PROX1: variants seen among roughly 807,000 people sequenced by gnomAD.
PROX1 encodes prospero homeobox protein 1.
In PROX1, 7 loss-of-function variants were observed where a neutral mutation model predicts 58.8. That is an observed-to-expected ratio of 0.12 (90% CI 0.07 to 0.22). PROX1 has a LOEUF of 0.22. Ranked by LOEUF, PROX1 falls within the 10% of genes least tolerant of loss-of-function variation. The pLI is 1.00. For missense variants in PROX1, 675 were observed against 927.8 expected (o/e 0.73, Z 3.54); for synonymous variants, 350 against 358.3 (o/e 0.98, Z 0.26).
At chr1:214,021,169 C>T (rs1664266577) in intron 4 of PROX1, among the ~76,000 whole-genome samples, 1 of 152,210 alleles carries the variant, frequency 6.6e-6, no homozygotes, top group South Asian at 2.1e-4. Context: ...TATTCCTAAC[C>T]TCCCAGTTGC....
At chr1:214,020,782 TA>T (rs1255207523) in intron 4 of PROX1, among the ~76,000 whole-genome samples, 5 of 152,228 alleles carry the variant, frequency 3.3e-5, no homozygotes, top group Non-Finnish European at 2.9e-5. Flanking sequence ...GAGCAAACCA[TA>T]AGATTTTAGT....
chr1:214,035,519 C>A, intron 4 of PROX1, 130 bp from the exon 5 acceptor site: 1 of 813,778 alleles, frequency 1.2e-6, no homozygotes, highest in Non-Finnish European at 1.9e-6. Context: ...TAGAAGCCAG[C>A]TATTTTTAGA....
intron 4 of PROX1, among the ~76,000 whole-genome samples, chr1:214,015,697 C>A (rs1316999299): frequency 6.6e-6 from 1 of 151,888 alleles, no homozygotes. Context: ...GCTATATGTG[C>A]AGCTGCGAAA....
At chr1:214,015,145 C>T (rs1234089459) in intron 4 of PROX1, among the ~76,000 whole-genome samples, 1 of 151,996 alleles carries the variant, frequency 6.6e-6, no homozygotes. Flanking sequence ...TTGAGAAGAC[C>T]CAAGGGATGT....
upstream of PROX1, chr1:213,985,088 A>G (rs1662792491): frequency 1.3e-5 from 2 of 152,256 alleles, no homozygotes; most frequent in African/African-American, 4.8e-5. Flanking sequence ...TGCAACCTGC[A>G]CGGATAGAGT....
intron 4 of PROX1, among the ~76,000 whole-genome samples, chr1:214,026,128 T>C (rs1463688562): frequency 6.6e-6 from 1 of 152,242 alleles, no homozygotes; most frequent in Admixed American, 6.5e-5. Context: ...TTTTTGATGC[T>C]TTTTCCTTGA....
chr1:214,036,129 C>T lies in PROX1; in HGVS notation c.*295C>T, dbSNP rs1015468100. On this transcript the variant is annotated 3_prime_UTR_variant, in exon 5 of 5. Transcript: ENST00000366958. ...AAAAGAATGTTGGCGTGTGTAAAGT[C>T]TCTATTAGCAATGAAGGGAATTTGT... The T allele has an allele frequency of 9.4e-6, 2 of 212,892 alleles. No individual in the cohort carries two copies. The highest frequency in any genetic ancestry group is 1.9e-5 in the Non-Finnish European group (2 of 107,340). 13.2% of individuals were successfully genotyped at this position (212,892 alleles called of 1,614,324 possible).
chr1:214,003,969 A>T (rs6703121), intron 2 of PROX1, among the ~76,000 whole-genome samples: 41,762 of 151,814 alleles, frequency 0.28, 5,917 homozygotes, highest in Admixed American at 0.39. Context: ...TAGTTGTGTG[A>T]GTGTGTTTGT....
rs768680717 is a variant in PROX1 at position 213,998,136 on chromosome 1, G to A, written c.1601G>A (p.Ser534Asn). 5.0e-6 allele frequency: 8 copies of A among 1,614,208 alleles called. No individual in the cohort carries two copies. The highest frequency in any genetic ancestry group is 1.7e-4 in the Middle Eastern group (1 of 6,060). Reference protein sequence around the residue: ...LRTKMSSHHLSHHPCSPAHPP... With the variant: ...LRTKMSSHHLNHHPCSPAHPP... ...ACCAAGATGTCATCTCACCACCTGA[G>A]CCACCACCCTTGTTCACCAGCACAC... Residue 534 changes from serine (S) to asparagine (N), a missense_variant, in exon 2 of 5, where the codon AGC becomes AAC. Transcript: ENST00000366958.
In PROX1 at chr1:213,998,140, C is replaced by A; in HGVS notation, c.1605C>A (p.His535Gln). Reference protein sequence around the residue: ...RTKMSSHHLSHHPCSPAHPPS... With the variant: ...RTKMSSHHLSQHPCSPAHPPS... Reference sequence around the variant, plus strand: ...AGATGTCATCTCACCACCTGAGCCACCACCCTTGTTCACCAGCACACCCGC... The same window carrying A: ...AGATGTCATCTCACCACCTGAGCCAACACCCTTGTTCACCAGCACACCCGC... Residue 535 changes from histidine to glutamine, a missense_variant, in exon 2 of 5, where the codon CAC (histidine) becomes CAA (glutamine). His to Gln is a conservative substitution (Grantham distance 24). Around this residue, in one of 8 missense-constraint regions of PROX1, gnomAD observed 403 missense variants for 477.4 expected, o/e 0.84. Transcript: ENST00000366958. 2.5e-6 allele frequency: 4 copies of A among 1,614,240 alleles called. No homozygotes were observed. The highest frequency in any genetic ancestry group is 3.4e-6 in the Non-Finnish European group (4 of 1,180,048).
At position 214,012,560 on chromosome 1, in the gene PROX1, A is replaced by G. The variant is rs558921494; in HGVS notation, c.2028+845A>G. On this transcript the variant is annotated intron_variant, in intron 4 of 4. Transcript: ENST00000366958. The stretch of plus-strand genomic sequence containing the variant: ...TGACTCTCTGTGAGACAACACTAGC[A>G]AATCTCCCAGTACTCACAAAGGCAT... Among the ~76,000 whole-genome samples the G allele has an allele frequency of 3.3e-5, 5 of 152,344 alleles. No individual in the cohort carries two copies. In the South Asian group the frequency reaches 1.0e-3, roughly 32 times the overall value.
At position 213,993,323 on chromosome 1, in the gene PROX1, C is replaced by G. The variant is rs3767849; in HGVS notation, c.-67-3146C>G. Among the ~76,000 whole-genome samples, 67 of 152,164 alleles carry G rather than the reference C, an allele frequency of 4.4e-4. No homozygotes were observed. The East Asian group carries it at 0.012, about 28-fold the overall frequency. Reference sequence around the variant, plus strand: ...AAAAGCTTCATATTGCCTAGTGAAACTGAAAATTAATGTTAAAATGCAAAT... The same window carrying G: ...AAAAGCTTCATATTGCCTAGTGAAAGTGAAAATTAATGTTAAAATGCAAAT... On this transcript the variant is annotated intron_variant, in intron 1 of 4. Coordinates refer to ENST00000366958, the MANE Select transcript of PROX1 (RefSeq NM_001270616.2).
intron 2 of PROX1, among the ~76,000 whole-genome samples, chr1:214,000,144 C>T (rs1162629802): frequency 6.6e-6 from 1 of 152,168 alleles, no homozygotes; most frequent in African/African-American, 2.4e-5. Context: ...GGTTTCAAAA[C>T]TCCTGTAAGT....
chr1:214,001,259 A>G (rs1028792798), intron 2 of PROX1, among the ~76,000 whole-genome samples: 1 of 152,224 alleles, frequency 6.6e-6, no homozygotes, highest in Non-Finnish European at 1.5e-5. Flanking sequence ...GAAGGGAAAT[A>G]GTGAATGTGT....
chr1:213,995,393 T>C (rs759035269), intron 1 of PROX1, among the ~76,000 whole-genome samples: 6 of 152,176 alleles, frequency 3.9e-5, no homozygotes, highest in Non-Finnish European at 5.9e-5. Flanking sequence ...CAAAGAAATA[T>C]TTCCCTTTCT....
chr1:214,017,400 A>G (rs1664131441), intron 4 of PROX1, among the ~76,000 whole-genome samples: 1 of 152,130 alleles, frequency 6.6e-6, no homozygotes, highest in Non-Finnish European at 1.5e-5. Flanking sequence ...TAGGTATCAT[A>G]TGTCTGACCT....
chr1:214,017,694 A>C (rs913999489), intron 4 of PROX1, among the ~76,000 whole-genome samples: 1 of 151,808 alleles, frequency 6.6e-6, no homozygotes, highest in African/African-American at 2.4e-5. Flanking sequence ...GCACCCCCCC[A>C]CAAATGATCT....
At chr1:214,018,409 C>T (rs1571830841) in intron 4 of PROX1, among the ~76,000 whole-genome samples, 2 of 152,324 alleles carry the variant, frequency 1.3e-5, no homozygotes, top group African/African-American at 2.4e-5. Flanking sequence ...CAATGACTGC[C>T]TTCAGCCAAT....
chr1:213,997,636 G>C lies in PROX1; in HGVS notation c.1101G>C (p.Val367=). 7 of 1,614,162 alleles carry C rather than the reference G, an allele frequency of 4.3e-6. No homozygotes were observed. The highest frequency in any genetic ancestry group is 5.9e-6 in the Non-Finnish European group (7 of 1,180,036). ...CCATGTCGCAAGTTGTGGACACTGT[G>C]GTCAAAGTCTTTTCGGCCAAGCCCT... ...NTAMSQVVDT[V]VKVFSAKPSR... Residue 367 remains valine (V), a synonymous_variant, in exon 2 of 5, where the codon GTG becomes GTC. Coordinates refer to ENST00000366958, the MANE Select transcript of PROX1 (RefSeq NM_001270616.2). This position sits in a 1 kb window ranked among gnomAD's most constrained non-coding sequence, Gnocchi z 7.1.
Sources: gnomAD v4.1 joint callset for allele counts (sites outside exome capture counted in the v4.1 genomes callset) on GRCh38, gnomAD v4.1.1 for gene constraint, gnomAD v4.1.1 regional missense constraint, Gnocchi (gnomAD v3.1) non-coding constraint, MANE v1.5 for transcripts, NCBI Gene and HGNC (gene_info 2026-07-23, HGNC 2026-07-21) for gene names.